AGXT2: variants seen among roughly 807,000 people sequenced by gnomAD.
The protein encoded by AGXT2 is alanine--glyoxylate aminotransferase 2, also known as alanine--glyoxylate aminotransferase 2, mitochondrial.
A neutral mutation model predicts 62.5 loss-of-function variants in AGXT2; 61 were observed. That is an observed-to-expected ratio of 0.98 (90% CI 0.79 to 1.21). The LOEUF is 1.21. Ranked by LOEUF, AGXT2 falls within the 50% of genes most tolerant of loss-of-function variation. The pLI is 0.00. For missense variants in AGXT2, 666 were observed against 641.5 expected (o/e 1.04, Z -0.41); for synonymous variants, 243 against 218.7 (o/e 1.11, Z -0.98).
chr5:35,021,322 A>G (rs1767071739), intron 9 of AGXT2, among the ~76,000 whole-genome samples: 1 of 152,016 alleles, frequency 6.6e-6, no homozygotes, highest in Non-Finnish European at 1.5e-5. Flanking sequence ...ACTTCAAACT[A>G]TACTACAAGG....
intron 13 of AGXT2, 40 bp downstream of exon 13, chr5:35,003,723 C>G (rs1246988139): frequency 2.0e-6 from 3 of 1,538,160 alleles, no homozygotes; most frequent in South Asian, 2.2e-5. Context: ...CAGAGAGACT[C>G]CTACCTAGAG....
intron 13 of AGXT2, among the ~76,000 whole-genome samples, chr5:35,003,236 G>T (rs1225810727): frequency 6.6e-6 from 1 of 152,130 alleles, no homozygotes; most frequent in African/African-American, 2.4e-5. Flanking sequence ...TGGCAATGGG[G>T]GCTATGCCCA....
chr5:35,023,006 ATT>A (rs570613982), intron 9 of AGXT2, among the ~76,000 whole-genome samples: 1 of 147,770 alleles, frequency 6.8e-6, no homozygotes, highest in African/African-American at 2.5e-5. Context: ...TCTTCTGCAA[ATT>A]TTTTTTTTTA....
At chr5:35,015,718 C>T (rs1464801956) in intron 9 of AGXT2, among the ~76,000 whole-genome samples, 2 of 151,752 alleles carry the variant, frequency 1.3e-5, no homozygotes, top group African/African-American at 2.4e-5. Flanking sequence ...AGTGTGGTGG[C>T]GGGAGCCTGT....
rs34222067 is a variant in AGXT2, at chr5:35,014,114, C to T, written c.969G>A (p.Gln323=). Reference sequence around the variant, plus strand: ...GAGAGCCCAACCTTCCAAATCCTGTCTGCACCTGGGAAAACAAGTTCAAAA... The same window carrying T: ...GAGAGCCCAACCTTCCAAATCCTGTTTGCACCTGGGAAAACAAGTTCAAAA... The part of the protein sequence containing the change: ...RGGVCIADEV[Q]TGFGRLGSHF... Residue 323 remains glutamine, a synonymous_variant, in exon 10 of 14, where the codon CAG becomes CAA. Coordinates refer to ENST00000231420, the MANE Select transcript of AGXT2 (RefSeq NM_031900.4). The T allele has an allele frequency of 6.7e-4, 1,086 of 1,614,044 alleles. 7 individuals are homozygous for T. In the African/African-American group the frequency reaches 0.012, roughly 18 times the overall value.
chr5:35,014,018 G>A lies in AGXT2; in HGVS notation c.1065C>T (p.Gly355=). The stretch of plus-strand genomic sequence containing the variant: ...TGGTTATGACTGCTGCCATGGGAAA[G>A]CCATTCCCAATCCCTTTAGCCATGG... ...IVTMAKGIGN[G]FPMAAVITTP... The change falls in exon 10 of 14, where the codon GGC becomes GGT. Residue 355 remains glycine (G), a synonymous_variant. Coordinates refer to ENST00000231420, the MANE Select transcript of AGXT2 (RefSeq NM_031900.4). 6.2e-7 allele frequency: 1 copy of A among 1,614,120 alleles called. No homozygotes were observed. Among genetic ancestry groups the A allele is most frequent in the South Asian group, 1.1e-5 (1 of 91,082 alleles).
chr5:35,008,724 A>G (rs561947024), intron 12 of AGXT2, among the ~76,000 whole-genome samples: 3 of 152,328 alleles, frequency 2.0e-5, no homozygotes, highest in Non-Finnish European at 4.4e-5. Context: ...GACATGTGGT[A>G]TGAATTGAAG....
intron 7 of AGXT2, 135 bp from the exon 8 acceptor site, chr5:35,026,645 C>T (rs528828797): frequency 6.0e-5 from 59 of 980,750 alleles, no homozygotes; most frequent in Admixed American, 6.8e-5. Context: ...CTTCAGAATA[C>T]GGTAAACTGG....
rs1766757458 is a variant in AGXT2, at chr5:35,014,174, CAG to C, written c.964-57_964-56del. 3.1e-6 allele frequency: 5 copies of C among 1,610,620 alleles called. No homozygotes were observed. The African/African-American group carries it at 4.0e-5, about 13-fold the overall frequency. On this transcript the variant is annotated intron_variant, in intron 9 of 13. Transcript: ENST00000231420. ...ACCCTTCAAGAAATGCTGTTTTCGACAGGGCGCGGTGGCTCACACCTGTAATC... is the reference window on the plus strand; with the variant it reads ...ACCCTTCAAGAAATGCTGTTTTCGACGGCGCGGTGGCTCACACCTGTAATC...
intron 9 of AGXT2, among the ~76,000 whole-genome samples, chr5:35,022,256 A>C (rs1160541720): frequency 6.6e-6 from 1 of 152,164 alleles, no homozygotes; most frequent in African/African-American, 2.4e-5. Flanking sequence ...TCACGCTGCT[A>C]TAAAGACACA....
At chr5:35,012,057 A>T (rs1239350578) in intron 11 of AGXT2, among the ~76,000 whole-genome samples, 1 of 152,042 alleles carries the variant, frequency 6.6e-6, no homozygotes, top group Non-Finnish European at 1.5e-5. Flanking sequence ...ATGGGTACAC[A>T]ATAGACATTG....
At chr5:35,032,107 C>T (rs550313346) in intron 7 of AGXT2, among the ~76,000 whole-genome samples, 10 of 151,790 alleles carry the variant, frequency 6.6e-5, no homozygotes, top group African/African-American at 1.4e-4. Context: ...TGCACACTAC[C>T]ATGCCTAGCT....
At position 35,025,828 on chromosome 5, in the gene AGXT2, T is replaced by C; in HGVS notation, c.898A>G (p.Lys300Glu). The C allele has an allele frequency of 6.2e-7, 1 of 1,614,096 alleles. No homozygotes were observed. Among genetic ancestry groups the C allele is most frequent in the South Asian group, 1.1e-5 (1 of 91,080 alleles). The change falls in exon 9 of 14, where the codon AAG becomes GAG. Residue 300 changes from lysine to glutamate, a missense_variant. Physicochemically the swap from Lys to Glu is moderately conservative, Grantham distance 56. Transcript: ENST00000231420. Reference sequence around the variant, plus strand: ...TCAAAGGCTTCCTTTAGAAACCCCTTTGGGTACTGGACAACTCCATTCACA... The same window carrying C: ...TCAAAGGCTTCCTTTAGAAACCCCTCTGGGTACTGGACAACTCCATTCACA... ...QGVNGVVQYP[K>E]GFLKEAFELV...
In AGXT2 at chr5:35,014,096, C is replaced by T; in HGVS notation, c.987G>A (p.Leu329=). Reference sequence around the variant, plus strand: ...TTTGGAAGCCCCAGAAGTGAGAGCCCAACCTTCCAAATCCTGTCTGCACCT... The same window carrying T: ...TTTGGAAGCCCCAGAAGTGAGAGCCTAACCTTCCAAATCCTGTCTGCACCT... The part of the protein sequence containing the change: ...ADEVQTGFGR[L]GSHFWGFQTH... The change falls in exon 10 of 14, where the codon TTG becomes TTA. Residue 329 remains leucine (L), a synonymous_variant. Coordinates refer to ENST00000231420, the MANE Select transcript of AGXT2 (RefSeq NM_031900.4). 6.2e-7 allele frequency: 1 copy of T among 1,614,092 alleles called. No homozygotes were observed. The highest frequency in any genetic ancestry group is 8.5e-7 in the Non-Finnish European group (1 of 1,180,014).
chr5:35,013,985 A>T lies in AGXT2; in HGVS notation c.1096+2T>A. ...CAAACACAAACTGCCTGTGGGTCCT[A>T]CCTGGAGTGGTTATGACTGCTGCCA... On this transcript the variant is annotated splice_donor_variant, in intron 10 of 13. Transcript: ENST00000231420. LOFTEE classifies it high-confidence loss of function. 1 of 1,614,028 alleles carries T rather than the reference A, an allele frequency of 6.2e-7. No individual in the cohort carries two copies. The highest frequency in any genetic ancestry group is 8.5e-7 in the Non-Finnish European group (1 of 1,179,946).
Position 35,036,369 on chromosome 5 carries a change from A to G in AGXT2, c.486+573T>C, listed in dbSNP as rs550488290. On this transcript the variant is annotated intron_variant, in intron 4 of 13. Coordinates refer to ENST00000231420, the MANE Select transcript of AGXT2 (RefSeq NM_031900.4). ...GTTCTTCACATGTATTAACTCGTTT[A>G]ATGTCTAAATGGAAATCTTGGCCAA... Among the ~76,000 whole-genome samples the G allele has an allele frequency of 2.3e-3, 348 of 152,322 alleles. 1 individual carries two copies. Among genetic ancestry groups the G allele is most frequent in the African/African-American group, 7.9e-3 (327 of 41,566 alleles).
chr5:35,025,207 C>T (rs534426826), intron 9 of AGXT2, among the ~76,000 whole-genome samples: 2 of 152,150 alleles, frequency 1.3e-5, no homozygotes, highest in South Asian at 2.1e-4. Flanking sequence ...GAAACCCTGT[C>T]TTTACTAAAA....
intron 2 of AGXT2, 111 bp downstream of exon 2, chr5:35,040,464 G>A: frequency 2.1e-6 from 2 of 956,140 alleles, no homozygotes; most frequent in Non-Finnish European, 3.4e-6. Flanking sequence ...CTGGAATGAG[G>A]TAGTTTAGTG....
rs532332639 is a variant in AGXT2 at position 35,025,627 on chromosome 5, T to G, written c.963+136A>C. ...ATCAACCAGCCCACTAGCACAAATT[T>G]CATTCATTTGTAGGCAAACTTTGGA... On this transcript the variant is annotated intron_variant, in intron 9 of 13. Transcript: ENST00000231420. The G allele has an allele frequency of 6.1e-5, 52 of 848,800 alleles. No homozygotes were observed. The African/African-American group carries it at 8.3e-4, about 14-fold the overall frequency. The allele number at this position is 848,800 out of a possible 1,614,324, so 52.6% of individuals were successfully genotyped here.
Sources: gnomAD v4.1 joint callset for allele counts (sites outside exome capture counted in the v4.1 genomes callset) on GRCh38, gnomAD v4.1.1 for gene constraint, MANE v1.5 for transcripts, NCBI Gene and HGNC (gene_info 2026-07-23, HGNC 2026-07-21) for gene names.